The following IPO5 variants were observed in gnomAD, a reference collection of about 807,000 sequenced individuals.
The protein encoded by IPO5 is importin 5.
IPO5 carries 18 observed loss-of-function variants against 143.3 expected under a neutral mutation model. That is an observed-to-expected ratio of 0.13 (90% CI 0.09 to 0.19). The LOEUF (loss-of-function observed/expected upper bound fraction) is 0.19, where lower values mean the gene tolerates loss of function less well. Ranked by LOEUF, IPO5 falls within the 10% of genes least tolerant of loss-of-function variation. IPO5 has a pLI of 1.00. For missense variants in IPO5, 1,013 were observed against 1,336.9 expected (o/e 0.76, Z 3.78); for synonymous variants, 477 against 465.7 (o/e 1.02, Z -0.31).
chr13:98,010,520 G>A (rs1889609196), intron 20 of IPO5, among the ~76,000 whole-genome samples: 1 of 151,914 alleles, frequency 6.6e-6, no homozygotes, highest in Admixed American at 6.6e-5. Context: ...ATGAGGGAAG[G>A]ATTTTTGTTG....
Position 97,985,556 on chromosome 13 carries a change from T to C in IPO5, c.307T>C (p.Ser103Pro). Residue 103 changes from serine (S) to proline (P), a missense_variant, in exon 6 of 29, where the codon TCT (serine) becomes CCT (proline). Coordinates refer to ENST00000651721, the MANE Select transcript of IPO5 (RefSeq NM_002271.6). ...CATGATTATTCAGATGGAAACACAA[T>C]CTAGCATGAGGAAAAAAGTTTGTGA... ...LLMIIQMETQ[S>P]SMRKKVCDIA... The C allele has an allele frequency of 1.9e-6, 3 of 1,613,950 alleles. No individual in the cohort carries two copies. The highest frequency in any genetic ancestry group is 2.5e-6 in the Non-Finnish European group (3 of 1,179,966).
chr13:98,007,977 C>A (rs1212503671), intron 17 of IPO5, 82 bp from the exon 18 acceptor site: 11 of 764,642 alleles, frequency 1.4e-5, no homozygotes, highest in Admixed American at 2.0e-5. Flanking sequence ...GCAATGTAGT[C>A]GATTTTTTGG....
chr13:98,011,794 C>G (rs757437873), intron 20 of IPO5, among the ~76,000 whole-genome samples: 4 of 152,164 alleles, frequency 2.6e-5, no homozygotes, highest in African/African-American at 4.8e-5. Context: ...CATGAGCCAC[C>G]GTGCCCAGCC....
At chr13:98,002,218 C>T (rs584002) in intron 13 of IPO5, 2,863 of 237,768 alleles carry the variant, frequency 0.012, 73 homozygotes, top group African/African-American at 0.059. Flanking sequence ...GGTTTCACCA[C>T]GTTAACCAGG....
chr13:97,958,662 A>C (rs1287804871), intron 2 of IPO5, among the ~76,000 whole-genome samples: 3 of 151,756 alleles, frequency 2.0e-5, no homozygotes, highest in African/African-American at 7.3e-5. Context: ...TTCCAAAAGA[A>C]AACTATCTCA....
At chr13:97,992,041 C>T (rs1489388996) in intron 9 of IPO5, among the ~76,000 whole-genome samples, 1 of 152,158 alleles carries the variant, frequency 6.6e-6, no homozygotes, top group Admixed American at 6.5e-5. Flanking sequence ...TGAAGGTTTC[C>T]ACATGATAAG....
chr13:98,010,781 T>G (rs1264950632), intron 20 of IPO5, among the ~76,000 whole-genome samples: 1 of 74,894 alleles, frequency 1.3e-5, no homozygotes, highest in African/African-American at 6.5e-5. Flanking sequence ...AGGATAATCC[T>G]TTTTTTTTTT....
intron 6 of IPO5, 55 bp from the exon 7 acceptor site, chr13:97,989,007 A>C: frequency 1.1e-6 from 1 of 910,666 alleles, no homozygotes; most frequent in Non-Finnish European, 1.8e-6. Context: ...ATTTACTCCT[A>C]GTATATTGAA....
chr13:97,985,663 C>CTTTTTTTTTTTTTTTTT (rs11366582), intron 6 of IPO5, 50 bp downstream of exon 6: 1 of 862,528 alleles, frequency 1.2e-6, no homozygotes. Flanking sequence ...TATATCCTTC[C>CTTTTTTTTTTTTTTTTT]TTTTTTTTTT....
chr13:98,016,716 A>G lies in IPO5; in HGVS notation c.2494-13A>G, dbSNP rs572834128. 121 of 1,344,036 alleles carry G rather than the reference A, an allele frequency of 9.0e-5. No individual in the cohort carries two copies. Among genetic ancestry groups the G allele is most frequent in the African/African-American group, 1.2e-4 (8 of 65,972 alleles). 83.3% of individuals were successfully genotyped at this position (1,344,036 alleles called of 1,614,324 possible). A position where few individuals can be genotyped will look rare whatever the true frequency, so the allele number is the denominator to read the frequency against. Reference sequence around the variant, plus strand: ...TTAATCCATATGAGTGTTTATGTGTATGTTTTTTTTAGGATGATAATGATG... The same window carrying G: ...TTAATCCATATGAGTGTTTATGTGTGTGTTTTTTTTAGGATGATAATGATG... On this transcript the variant is annotated splice_polypyrimidine_tract_variant and intron_variant, in intron 24 of 28. Transcript: ENST00000651721.
chr13:97,986,054 A>G (rs1473417199), intron 6 of IPO5, among the ~76,000 whole-genome samples: 2 of 152,142 alleles, frequency 1.3e-5, no homozygotes, highest in East Asian at 3.9e-4. Context: ...GCTGGAGACT[A>G]CAGTAAGCGG....
chr13:97,982,887 A>G (rs1398213650), intron 5 of IPO5, among the ~76,000 whole-genome samples: 1 of 152,132 alleles, frequency 6.6e-6, no homozygotes, highest in Non-Finnish European at 1.5e-5. Context: ...TGATTGATTG[A>G]TTTTGAGATG....
At chr13:97,970,895 T>G (rs61970437) in intron 3 of IPO5, among the ~76,000 whole-genome samples, 4,790 of 152,324 alleles carry the variant, frequency 0.031, 101 homozygotes, top group Middle Eastern at 0.054. Context: ...GTTACAAATT[T>G]TAGAGGTTGC....
intron 3 of IPO5, among the ~76,000 whole-genome samples, chr13:97,974,293 G>A (rs1045025681): frequency 1.3e-5 from 2 of 150,506 alleles, no homozygotes; most frequent in African/African-American, 4.9e-5. Context: ...TGAATGAGTT[G>A]TTTTTGTCTG....
At chr13:97,966,403 C>T (rs747028421) in intron 2 of IPO5, among the ~76,000 whole-genome samples, 6 of 152,044 alleles carry the variant, frequency 3.9e-5, no homozygotes, top group South Asian at 4.1e-4. Context: ...ATAGTTTTTA[C>T]GCTTTATTAA....
In IPO5 at chr13:98,016,685, T is replaced by C. The variant is rs747198214; in HGVS notation, c.2494-44T>C. On this transcript the variant is annotated intron_variant, in intron 24 of 28. Coordinates refer to ENST00000651721, the MANE Select transcript of IPO5 (RefSeq NM_002271.6). Reference sequence around the variant, plus strand: ...ATGTTACTATTGATAATAGAAAATATACTTTTTAATCCATATGAGTGTTTA... The same window carrying C: ...ATGTTACTATTGATAATAGAAAATACACTTTTTAATCCATATGAGTGTTTA... The C allele has an allele frequency of 1.2e-5, 13 of 1,045,710 alleles. No individual in the cohort carries two copies. The East Asian group carries it at 3.1e-4, about 25-fold the overall frequency. 64.8% of individuals were successfully genotyped at this position (1,045,710 alleles called of 1,614,324 possible). A position where few individuals can be genotyped will look rare whatever the true frequency, so the allele number is the denominator to read the frequency against.
intron 3 of IPO5, among the ~76,000 whole-genome samples, chr13:97,974,453 C>CCCA (rs1481002259): frequency 6.6e-6 from 1 of 151,626 alleles, no homozygotes; most frequent in South Asian, 2.1e-4. Context: ...ATTACAGGCG[C>CCCA]CCACCACCAC....
chr13:98,017,899 C>T (rs1890234110), intron 25 of IPO5, among the ~76,000 whole-genome samples: 1 of 152,056 alleles, frequency 6.6e-6, no homozygotes, highest in Non-Finnish European at 1.5e-5. Flanking sequence ...AACCTCCTGA[C>T]CTTGTGATCC....
intron 18 of IPO5, among the ~76,000 whole-genome samples, chr13:98,008,921 T>C (rs1889481146): frequency 6.6e-6 from 1 of 152,230 alleles, no homozygotes; most frequent in South Asian, 2.1e-4. Context: ...CATACCATTT[T>C]GCAAAGAAAG....
Sources: allele counts gnomAD v4.1 joint callset (sites outside exome capture counted in the v4.1 genomes callset), GRCh38; gene constraint gnomAD v4.1.1; transcripts MANE v1.5; gene names NCBI Gene and HGNC (gene_info 2026-07-23, HGNC 2026-07-21).